HDAC9: variants seen among roughly 807,000 people sequenced by gnomAD.
The protein encoded by HDAC9 is histone deacetylase 9.
HDAC9 carries 41 observed loss-of-function variants against 139.4 expected under a neutral mutation model. The ratio of observed to expected loss-of-function variants is 0.29; its 90% CI spans 0.23 to 0.38. The LOEUF is 0.38. Among genes scored for constraint, HDAC9 ranks in the 10% least tolerant of loss-of-function variants. The probability of loss-of-function intolerance (pLI) is 1.00; values close to 1 mark genes in which losing one functional copy is unlikely to be tolerated. For synonymous variants in HDAC9, 517 were observed against 476.2 expected (o/e 1.09, Z -1.12); for missense variants, 1,147 against 1,297.0 (o/e 0.88, Z 1.78).
intron 22 of HDAC9, among the ~76,000 whole-genome samples, chr7:18,914,066 G>A (rs1447460076): frequency 6.6e-6 from 1 of 151,874 alleles, no homozygotes; most frequent in Non-Finnish European, 1.5e-5. Context: ...GGGTGGCAGA[G>A]CCCTAAATAA....
intron 2 of HDAC9, among the ~76,000 whole-genome samples, chr7:18,176,579 T>C (rs992586787): frequency 4.6e-5 from 7 of 152,218 alleles, no homozygotes; most frequent in African/African-American, 7.2e-5. Context: ...AAAATTATTA[T>C]AATTAGAGAT....
chr7:18,413,415 A>G (rs1788758454), intron 1 of HDAC9, among the ~76,000 whole-genome samples: 1 of 152,094 alleles, frequency 6.6e-6, no homozygotes. Flanking sequence ...ACCAACTTAA[A>G]CATTAGTTTC....
At chr7:18,446,666 A>G (rs1019543505) in intron 1 of HDAC9, among the ~76,000 whole-genome samples, 1 of 152,158 alleles carries the variant, frequency 6.6e-6, no homozygotes, top group Non-Finnish European at 1.5e-5. Context: ...CCTTTTTGCT[A>G]TGCATTTACA....
rs67749571 is a variant in HDAC9 at position 18,092,412 on chromosome 7, T to TA, written c.-97+5207dup. Reference sequence around the variant, plus strand: ...TTTTCTTTCTTTCTTTTTTTTTTTTTAAAAAAAAGAACCTCTGGTAAAGTC... The same window carrying TA: ...TTTTCTTTCTTTCTTTTTTTTTTTTTAAAAAAAAAGAACCTCTGGTAAAGTC... On this transcript the variant is annotated intron_variant, in intron 1 of 12. Coordinates refer to the HDAC9 transcript ENST00000417496. Among the ~76,000 whole-genome samples, 26 of 117,496 alleles carry TA rather than the reference T, an allele frequency of 2.2e-4. No individual in the cohort carries two copies. The East Asian group carries it at 2.7e-3, about 12-fold the overall frequency. 77.1% of individuals were successfully genotyped at this position (117,496 alleles called of 152,430 possible).
rs557379165 is a variant in HDAC9, at chr7:18,640,346, A to G, written c.913-4325A>G. Among the ~76,000 whole-genome samples, 690 of 132,970 alleles carry G rather than the reference A, an allele frequency of 5.2e-3. 9 individuals carry two copies. Among genetic ancestry groups the G allele is most frequent in the Non-Finnish European group, 9.4e-3 (594 of 63,310 alleles). 87.2% of individuals were successfully genotyped at this position (132,970 alleles called of 152,430 possible). A position where few individuals can be genotyped will look rare whatever the true frequency, so the allele number is the denominator to read the frequency against. On this transcript the variant is annotated intron_variant, in intron 8 of 25. Coordinates refer to ENST00000686413, the MANE Select transcript of HDAC9 (RefSeq NM_178425.4). ...GCACTGCAGCCTGGGCGACAGAGCA[A>G]GATCCTGTCTTAAAAAAAAAAAAAA...
At chr7:18,944,250 A>G (rs1160963584) in intron 23 of HDAC9, among the ~76,000 whole-genome samples, 1 of 152,196 alleles carries the variant, frequency 6.6e-6, no homozygotes, top group East Asian at 1.9e-4. Flanking sequence ...GGTCTTGATT[A>G]TCATATTCTT....
intron 2 of HDAC9, among the ~76,000 whole-genome samples, chr7:18,284,060 A>G (rs997292158): frequency 2.0e-5 from 3 of 152,128 alleles, no homozygotes; most frequent in Non-Finnish European, 4.4e-5. Context: ...CTTAAGTGCT[A>G]CCATAATTTT....
At chr7:18,790,280 C>T (rs550962906) in intron 16 of HDAC9, among the ~76,000 whole-genome samples, 22 of 152,106 alleles carry the variant, frequency 1.4e-4, no homozygotes, top group African/African-American at 4.1e-4. Flanking sequence ...AAGCTCAAAT[C>T]GCTAATCTGA....
At chr7:18,689,040 A>G (rs1490412201) in intron 12 of HDAC9, among the ~76,000 whole-genome samples, 1 of 151,996 alleles carries the variant, frequency 6.6e-6, no homozygotes, top group East Asian at 1.9e-4. Flanking sequence ...CTGTCACATA[A>G]ATTAAAACTA....
chr7:18,481,958 G>A (rs1460114738), intron 1 of HDAC9, among the ~76,000 whole-genome samples: 2 of 152,104 alleles, frequency 1.3e-5, no homozygotes, highest in Non-Finnish European at 2.9e-5. Flanking sequence ...AGCTGTGTCT[G>A]TAATGGCCTG....
intron 2 of HDAC9, among the ~76,000 whole-genome samples, chr7:18,559,248 C>G (rs916357167): frequency 4.6e-5 from 7 of 152,132 alleles, no homozygotes; most frequent in African/African-American, 1.7e-4. Context: ...GTCTTGTTCT[C>G]CCTCTCTCCC....
At chr7:18,750,827 C>T (rs1191710446) in intron 14 of HDAC9, among the ~76,000 whole-genome samples, 1 of 152,198 alleles carries the variant, frequency 6.6e-6, no homozygotes, top group African/African-American at 2.4e-5. Flanking sequence ...CTCACCTTTT[C>T]ATCTGCTCTG....
chr7:18,108,622 T>A (rs1783392776), intron 1 of HDAC9, among the ~76,000 whole-genome samples: 1 of 149,922 alleles, frequency 6.7e-6, no homozygotes, highest in East Asian at 1.9e-4. Context: ...TTTTTTTTTT[T>A]TTTTTTTTTT....
At chr7:18,270,000 C>A (rs747445978) in intron 2 of HDAC9, among the ~76,000 whole-genome samples, 3 of 152,070 alleles carry the variant, frequency 2.0e-5, no homozygotes, top group Non-Finnish European at 4.4e-5. Flanking sequence ...CTGGATAATT[C>A]TTTGTTGTAG....
intron 6 of HDAC9, among the ~76,000 whole-genome samples, chr7:18,598,602 A>G (rs1833094062): frequency 6.6e-6 from 1 of 152,226 alleles, no homozygotes; most frequent in Non-Finnish European, 1.5e-5. Context: ...CATGTAAAGC[A>G]CTTAGGATCA....
At chr7:18,754,221 C>T (rs1331315979) in intron 14 of HDAC9, among the ~76,000 whole-genome samples, 1 of 151,988 alleles carries the variant, frequency 6.6e-6, no homozygotes, top group Admixed American at 6.6e-5. Flanking sequence ...GAGCAAAGAG[C>T]AAAACCAGCA....
chr7:18,280,978 C>G (rs1290971193), intron 2 of HDAC9, among the ~76,000 whole-genome samples: 1 of 152,122 alleles, frequency 6.6e-6, no homozygotes, highest in Non-Finnish European at 1.5e-5. Context: ...TTAAATGAAC[C>G]TCACATGTGA....
chr7:18,437,424 A>G (rs1791306597), intron 1 of HDAC9, among the ~76,000 whole-genome samples: 1 of 151,998 alleles, frequency 6.6e-6, no homozygotes, highest in African/African-American at 2.4e-5. Context: ...TTATGTGCTC[A>G]TCTATACTCT....
intron 2 of HDAC9, among the ~76,000 whole-genome samples, chr7:18,553,102 T>C (rs1368092116): frequency 1.3e-5 from 2 of 152,162 alleles, no homozygotes; most frequent in Admixed American, 1.3e-4. Flanking sequence ...CGTGTGCACC[T>C]TTGTGTGTAT....
Sources: gnomAD v4.1 joint callset for allele counts (sites outside exome capture counted in the v4.1 genomes callset) on GRCh38, gnomAD v4.1.1 for gene constraint, MANE v1.5 for transcripts, NCBI Gene and HGNC (gene_info 2026-07-23, HGNC 2026-07-21) for gene names.